The following LDAH variants were observed in gnomAD, a reference collection of about 807,000 sequenced individuals.
LDAH encodes lipid droplet-associated hydrolase.
A neutral mutation model predicts 29.6 loss-of-function variants in LDAH; 26 were observed. The observed-to-expected ratio is 0.88, with a 90% CI of 0.64 to 1.22. The LOEUF (loss-of-function observed/expected upper bound fraction) is 1.22, where lower values mean the gene tolerates loss of function less well. LDAH is among the 50% of genes most tolerant of loss of function. The pLI is 0.00. For synonymous variants in LDAH, 117 were observed against 133.0 expected (o/e 0.88, Z 0.83); for missense variants, 344 against 387.3 (o/e 0.89, Z 0.94).
At position 20,715,326 on chromosome 2, in the gene LDAH, A is replaced by C. The variant is rs536700200; in HGVS notation, c.704-13674T>G. 1.5e-3 allele frequency among the ~76,000 whole-genome samples: 229 copies of C among 152,354 alleles called. 4 individuals are homozygous for C. The South Asian group carries it at 0.043, about 29-fold the overall frequency. On this transcript the variant is annotated intron_variant, in intron 5 of 6. Transcript: ENST00000237822. ...GCGGAAAAGGCCTTTGACAAAATTC[A>C]ACAGCCCTTCATGCTAAAAACTCTC...
At chr2:20,797,187 G>C (rs1459014662) in intron 2 of LDAH, among the ~76,000 whole-genome samples, 1 of 152,154 alleles carries the variant, frequency 6.6e-6, no homozygotes, top group Non-Finnish European at 1.5e-5. Context: ...CAGAAGAATA[G>C]TTTATTCCCA....
intron 1 of LDAH, among the ~76,000 whole-genome samples, chr2:20,814,214 C>CA (rs978511522): frequency 1.6e-5 from 2 of 125,410 alleles, no homozygotes; most frequent in Admixed American, 9.0e-5. Flanking sequence ...GTTATACTGT[C>CA]AGTGAGTCTG....
chr2:20,752,421 T>C (rs1668031170), intron 4 of LDAH, among the ~76,000 whole-genome samples: 1 of 152,298 alleles, frequency 6.6e-6, no homozygotes, highest in East Asian at 1.9e-4. Context: ...TCCCCCAAAC[T>C]GAACAAGACG....
chr2:20,801,706 T>C (rs542445587), intron 1 of LDAH, among the ~76,000 whole-genome samples: 6 of 152,058 alleles, frequency 3.9e-5, no homozygotes, highest in South Asian at 2.1e-4. Flanking sequence ...TGAAAGACTA[T>C]AGAGGGGTTT....
intron 4 of LDAH, among the ~76,000 whole-genome samples, chr2:20,762,263 T>C (rs146141640): frequency 5.3e-5 from 8 of 152,250 alleles, no homozygotes; most frequent in Admixed American, 2.0e-4. Context: ...GTTTTCTTAA[T>C]ATAAATTCCA....
At chr2:20,729,379 TA>T in intron 5 of LDAH, among the ~76,000 whole-genome samples, 1 of 152,216 alleles carries the variant, frequency 6.6e-6, no homozygotes, top group East Asian at 1.9e-4. Context: ...AATATACCGT[TA>T]AGAATAATTT....
intron 5 of LDAH, among the ~76,000 whole-genome samples, chr2:20,712,010 T>A (rs1454103465): frequency 6.6e-6 from 1 of 152,252 alleles, no homozygotes. Flanking sequence ...TGTTCCTGTC[T>A]GACAGCTCTG....
intron 1 of LDAH, among the ~76,000 whole-genome samples, chr2:20,801,943 T>TGA (rs1463728631): frequency 6.7e-6 from 1 of 148,376 alleles, no homozygotes; most frequent in African/African-American, 2.6e-5. Flanking sequence ...TGTGTGTGTG[T>TGA]GTGTGTGTGT....
intron 5 of LDAH, among the ~76,000 whole-genome samples, chr2:20,728,468 A>G (rs1666168279): frequency 6.6e-6 from 1 of 152,152 alleles, no homozygotes; most frequent in South Asian, 2.1e-4. Context: ...AGTTATGTCC[A>G]CTATTCATGG....
chr2:20,742,005 G>T (rs1667213158), intron 4 of LDAH, among the ~76,000 whole-genome samples: 1 of 152,014 alleles, frequency 6.6e-6, no homozygotes, highest in African/African-American at 2.4e-5. Flanking sequence ...TATAAATTTT[G>T]ATAAGTTGTG....
intron 3 of LDAH, among the ~76,000 whole-genome samples, chr2:20,776,658 G>T (rs988041671): frequency 6.6e-6 from 1 of 152,110 alleles, no homozygotes; most frequent in African/African-American, 2.4e-5. Flanking sequence ...TCTGGAACCT[G>T]ACTTTGGTAG....
At chr2:20,704,902 C>T (rs147293110) in intron 5 of LDAH, among the ~76,000 whole-genome samples, 3 of 152,190 alleles carry the variant, frequency 2.0e-5, no homozygotes, top group Admixed American at 6.5e-5. Flanking sequence ...GTCCCTCCCC[C>T]CACAGAGCCT....
At chr2:20,799,624 C>T (rs1671531605) in intron 2 of LDAH, among the ~76,000 whole-genome samples, 2 of 152,292 alleles carry the variant, frequency 1.3e-5, no homozygotes, top group Middle Eastern at 3.4e-3. Flanking sequence ...TTACACCTTT[C>T]ATCTAACTTG....
intron 5 of LDAH, among the ~76,000 whole-genome samples, chr2:20,712,526 C>T (rs1031267645): frequency 3.3e-5 from 5 of 152,098 alleles, no homozygotes; most frequent in South Asian, 4.1e-4. Context: ...CAAAGCTGGA[C>T]AGAGAATGAC....
At chr2:20,742,793 C>CTTTTT (rs71391767) in intron 4 of LDAH, among the ~76,000 whole-genome samples, 6 of 114,402 alleles carry the variant, frequency 5.2e-5, no homozygotes, top group Admixed American at 1.9e-4. Flanking sequence ...TTTCTTTTTC[C>CTTTTT]TTTTTTTTTT....
intron 3 of LDAH, among the ~76,000 whole-genome samples, chr2:20,788,461 A>G (rs1670709919): frequency 6.6e-6 from 1 of 152,202 alleles, no homozygotes; most frequent in South Asian, 2.1e-4. Flanking sequence ...TTAAAAATAA[A>G]TATAATCAAA....
intron 4 of LDAH, among the ~76,000 whole-genome samples, chr2:20,747,998 T>G (rs1455985613): frequency 2.0e-5 from 3 of 152,316 alleles, no homozygotes; most frequent in South Asian, 2.1e-4. Flanking sequence ...TAATTGTTAT[T>G]GTTTGGAGGC....
chr2:20,701,545 C>T, intron 6 of LDAH, 25 bp downstream of exon 6: 2 of 1,590,260 alleles, frequency 1.3e-6, no homozygotes, highest in Non-Finnish European at 1.7e-6. Flanking sequence ...TATTATCTAT[C>T]CCCTTGCAGC....
chr2:20,685,174 G>A lies in LDAH; in HGVS notation c.*1729C>T. The A allele has an allele frequency of 2.0e-6, 1 of 499,472 alleles. No homozygotes were observed. Among genetic ancestry groups the A allele is most frequent in the Non-Finnish European group, 3.4e-6 (1 of 291,720 alleles). 30.9% of individuals were successfully genotyped at this position (499,472 alleles called of 1,614,324 possible). On this transcript the variant is annotated 3_prime_UTR_variant, in exon 7 of 7. Coordinates refer to ENST00000237822, the MANE Select transcript of LDAH (RefSeq NM_021925.4). ...AGAAATAAGACACAATTTCATACGT[G>A]CAGACTTTTGAAATATGGAGTAACA...
Sources: gnomAD v4.1 joint callset for allele counts (sites outside exome capture counted in the v4.1 genomes callset) on GRCh38, gnomAD v4.1.1 for gene constraint, MANE v1.5 for transcripts, NCBI Gene and HGNC (gene_info 2026-07-23, HGNC 2026-07-21) for gene names.